The following DMD variants were observed in gnomAD, a reference collection of about 807,000 sequenced individuals.
DMD encodes mutant dystrophin.
In DMD, 63 loss-of-function variants were observed where a neutral mutation model predicts 330.1. The observed-to-expected ratio is 0.19, with a 90% CI of 0.16 to 0.24. The LOEUF (loss-of-function observed/expected upper bound fraction) is 0.24. Among genes scored for constraint, DMD ranks in the 10% least tolerant of loss-of-function variants. DMD has a pLI of 1.00. For missense variants in DMD, 3,344 were observed against 2,684.1 expected (o/e 1.25, Z -5.43); for synonymous variants, 1,223 against 959.8 (o/e 1.27, Z -5.07).
intron 59 of DMD, among the ~76,000 whole-genome samples, chrX:31,446,952 T>G (rs2065317421): frequency 8.9e-6 from 1 of 111,899 alleles, no homozygotes; most frequent in African/African-American, 3.2e-5. Flanking sequence ...ATCATCTCTC[T>G]TTACAAGCAA....
chrX:33,104,240 TTAA>T (rs763601959), intron 1 of DMD, among the ~76,000 whole-genome samples: 240 of 111,953 alleles, frequency 2.1e-3, no homozygotes, highest in Non-Finnish European at 3.5e-3. Flanking sequence ...GAAAAATATG[TTAA>T]TAACGTTTTA....
In DMD at chrX:32,449,293, T is replaced by C. The variant is rs944290116; in HGVS notation, c.3604-655A>G. ...CAACATTGGAAAAGGCCACTTTGTT[T>C]CCATAATGGATCAAGACCATGACAA... On this transcript the variant is annotated intron_variant, in intron 26 of 78. Coordinates refer to ENST00000357033, the MANE Select transcript of DMD (RefSeq NM_004006.3). 2.7e-5 allele frequency among the ~76,000 whole-genome samples: 3 copies of C among 110,724 alleles called. No homozygotes were observed. In the Admixed American group the frequency reaches 2.9e-4, roughly 11 times the overall value.
chrX:32,971,442 C>T (rs748576430), intron 2 of DMD, among the ~76,000 whole-genome samples: 2 of 110,094 alleles, frequency 1.8e-5, no homozygotes, highest in East Asian at 2.8e-4. Flanking sequence ...CACTTTGGGC[C>T]GAAAATTTCA....
intron 44 of DMD, among the ~76,000 whole-genome samples, chrX:32,132,993 C>CTTTTTTTTTTTTTTTT (rs377615262): frequency 6.6e-5 from 5 of 76,006 alleles, no homozygotes; most frequent in African/African-American, 2.8e-4. Context: ...CTTTTCTTTT[C>CTTTTTTTTTTTTTTTT]TTTTTTTTTT....
chrX:32,632,880 C>A (rs2058836875), intron 11 of DMD, among the ~76,000 whole-genome samples: 1 of 112,549 alleles, frequency 8.9e-6, no homozygotes, highest in Non-Finnish European at 1.9e-5. Flanking sequence ...GAAATGCCTT[C>A]CAGGCCTTTT....
intron 49 of DMD, among the ~76,000 whole-genome samples, chrX:31,823,126 A>G (rs1054458403): frequency 1.8e-5 from 2 of 112,965 alleles, no homozygotes; most frequent in Non-Finnish European, 3.7e-5. Flanking sequence ...AAAGGCTCTC[A>G]TGCCCCTTTG....
At chrX:32,170,472 A>AAAG (rs2096883803) in intron 44 of DMD, among the ~76,000 whole-genome samples, 1 of 107,123 alleles carries the variant, frequency 9.3e-6, no homozygotes, top group South Asian at 4.1e-4. Context: ...ACTCCATCTC[A>AAAG]AATAATAATA....
chrX:32,837,571 CAT>C (rs1476284165), intron 4 of DMD, among the ~76,000 whole-genome samples: 1 of 111,539 alleles, frequency 9.0e-6, no homozygotes, highest in Non-Finnish European at 1.9e-5. Flanking sequence ...CATTCTTCAC[CAT>C]AGTTTCTTCC....
At chrX:32,636,922 CG>C (rs1479036850) in intron 11 of DMD, among the ~76,000 whole-genome samples, 1 of 109,476 alleles carries the variant, frequency 9.1e-6, no homozygotes, top group African/African-American at 3.3e-5. Context: ...GGCGTGAACC[CG>C]GGGGGCGGAG....
intron 21 of DMD, among the ~76,000 whole-genome samples, chrX:32,482,312 C>G (rs746082916): frequency 3.4e-4 from 38 of 111,224 alleles, no homozygotes; most frequent in Non-Finnish European, 1.1e-4. Context: ...TCCACCCCCT[C>G]ATCCTCCCAG....
chrX:33,098,529 A>G (rs1026166198), intron 1 of DMD, among the ~76,000 whole-genome samples: 2 of 111,049 alleles, frequency 1.8e-5, no homozygotes, highest in Non-Finnish European at 3.8e-5. Flanking sequence ...GCACGGCACT[A>G]AAGACTTATA....
rs1402573193 is a variant in DMD at position 31,119,241 on chromosome X, G to A, written c.*2678C>T. On this transcript the variant is annotated 3_prime_UTR_variant, in exon 79 of 79. Transcript: ENST00000357033. ...CAATACTTTTTTGTAACATAACTGCGTGCTTTATTGAGATACACAGTAAAG... is the reference window on the plus strand; with the variant it reads ...CAATACTTTTTTGTAACATAACTGCATGCTTTATTGAGATACACAGTAAAG... The A allele has an allele frequency of 8.9e-6, 1 of 112,089 alleles. No homozygotes were observed. Among genetic ancestry groups the A allele is most frequent in the East Asian group, 2.8e-4 (1 of 3,613 alleles). The allele number at this position is 112,089 out of a possible 1,213,427, so 9.2% of individuals were successfully genotyped here.
At chrX:31,442,939 T>C (rs1035041792) in intron 60 of DMD, among the ~76,000 whole-genome samples, 1 of 111,607 alleles carries the variant, frequency 9.0e-6, no homozygotes, top group African/African-American at 3.3e-5. Context: ...AATTAAATTA[T>C]GTGAGATCTC....
At chrX:31,582,987 G>GT (rs1202644787) in intron 55 of DMD, among the ~76,000 whole-genome samples, 1 of 112,257 alleles carries the variant, frequency 8.9e-6, no homozygotes, top group Non-Finnish European at 1.9e-5. Context: ...AATAGAGGCA[G>GT]TAGGGGATTT....
intron 13 of DMD, among the ~76,000 whole-genome samples, chrX:32,584,764 G>A (rs2054038902): frequency 8.9e-6 from 1 of 111,904 alleles, no homozygotes; most frequent in Admixed American, 9.5e-5. Flanking sequence ...TTGAGGAGAT[G>A]GGAAGAGTTT....
intron 1 of DMD, among the ~76,000 whole-genome samples, chrX:33,152,179 T>C (rs1213395225): frequency 9.3e-6 from 1 of 107,323 alleles, no homozygotes; most frequent in Non-Finnish European, 1.9e-5. Context: ...TTATTATTAT[T>C]ATTATTATTA....
intron 41 of DMD, among the ~76,000 whole-genome samples, chrX:32,312,907 A>G (rs1262751910): frequency 2.1e-5 from 2 of 93,049 alleles, no homozygotes; most frequent in African/African-American, 7.7e-5. Flanking sequence ...GACCAATAAC[A>G]AGTTCTGAAA....
intron 55 of DMD, among the ~76,000 whole-genome samples, chrX:31,515,156 TAAAG>T (rs1468023463): frequency 9.0e-6 from 1 of 111,256 alleles, no homozygotes; most frequent in African/African-American, 3.3e-5. Context: ...AGAAGAAAAA[TAAAG>T]AAGGGAGATG....
intron 61 of DMD, among the ~76,000 whole-genome samples, chrX:31,347,017 AAAAAAAAAAAAAAAAAAAAG>A (rs1225604255): frequency 5.2e-4 from 42 of 80,967 alleles, no homozygotes; most frequent in African/African-American, 1.6e-3. Context: ...AAAAAAAAAA[AAAAAAAAAAAAAAAAAAAAG>A]GAAGGATGCA....
Sources: allele counts gnomAD v4.1 joint callset (sites outside exome capture counted in the v4.1 genomes callset), GRCh38; gene constraint gnomAD v4.1.1; transcripts MANE v1.5; gene names NCBI Gene and HGNC (gene_info 2026-07-23, HGNC 2026-07-21).